The following IGF2BP2 variants were observed in gnomAD, a reference collection of about 807,000 sequenced individuals.
The protein encoded by IGF2BP2 is insulin like growth factor 2 mRNA binding protein 2.
A neutral mutation model predicts 75.8 loss-of-function variants in IGF2BP2; 17 were observed. That is an observed-to-expected ratio of 0.22 (90% CI 0.15 to 0.34). The LOEUF is 0.34. Among genes scored for constraint, IGF2BP2 ranks in the 10% least tolerant of loss-of-function variants. IGF2BP2 has a pLI of 1.00. For missense variants in IGF2BP2, 516 were observed against 772.4 expected (o/e 0.67, Z 3.93); for synonymous variants, 288 against 295.6 (o/e 0.97, Z 0.26).
chr3:185,657,562 G>A (rs953163510), intron 11 of IGF2BP2, among the ~76,000 whole-genome samples, 160 bp from the exon 12 acceptor site: 7 of 152,214 alleles, frequency 4.6e-5, no homozygotes, highest in South Asian at 2.1e-4. Context: ...TGCGGCCTGC[G>A]GCTCTGCAGG....
chr3:185,722,054 C>T (rs1726637467), intron 2 of IGF2BP2: 1 of 282,912 alleles, frequency 3.5e-6, no homozygotes, highest in African/African-American at 2.3e-5. Context: ...GATCTTCCTG[C>T]CTTAGTCGCC....
intron 2 of IGF2BP2, among the ~76,000 whole-genome samples, chr3:185,754,790 T>G (rs1288042173): frequency 2.0e-5 from 3 of 152,120 alleles, no homozygotes; most frequent in African/African-American, 4.8e-5. Flanking sequence ...ACGTGGAAGT[T>G]TGAATTTAAG....
At chr3:185,792,487 C>T (rs948586057) in intron 2 of IGF2BP2, among the ~76,000 whole-genome samples, 3 of 150,790 alleles carry the variant, frequency 2.0e-5, no homozygotes, top group Non-Finnish European at 4.4e-5. Context: ...ATAATTTTTA[C>T]AGGCGCAGTG....
chr3:185,675,424 C>T lies in IGF2BP2; in HGVS notation c.943G>A (p.Asp315Asn), dbSNP rs1386373142. The T allele has an allele frequency of 6.2e-7, 1 of 1,609,052 alleles. No homozygotes were observed. The highest frequency in any genetic ancestry group is 1.3e-5 in the African/African-American group (1 of 74,598). The change falls in exon 9 of 16, where the codon GAT (aspartate) becomes AAT (asparagine). Residue 315 changes from aspartate to asparagine, a missense_variant. By Grantham distance (23) the Asp-to-Asn change is conservative. Coordinates refer to ENST00000382199, the MANE Select transcript of IGF2BP2 (RefSeq NM_006548.6). ...GTKITISSLQ[D>N]LSIYNPERTI... ...CTTTCCGGGTTGTATATGCTCAAAT[C>T]CTGCAAACTGACCCATGAGAAGAAA...
chr3:185,665,030 T>C (rs1225303887), intron 10 of IGF2BP2, among the ~76,000 whole-genome samples: 1 of 151,532 alleles, frequency 6.6e-6, no homozygotes, highest in South Asian at 2.1e-4. Flanking sequence ...ACAGGCGTGT[T>C]GGTGTGCACC....
intron 2 of IGF2BP2, among the ~76,000 whole-genome samples, chr3:185,784,813 C>G (rs1014377941): frequency 2.2e-4 from 34 of 152,180 alleles, no homozygotes; most frequent in Non-Finnish European, 5.9e-5. Flanking sequence ...CCCAGAAGCT[C>G]ATTCACTAAC....
intron 2 of IGF2BP2, among the ~76,000 whole-genome samples, chr3:185,731,590 A>G (rs1004210133): frequency 2.0e-5 from 3 of 152,160 alleles, no homozygotes; most frequent in African/African-American, 7.2e-5. Flanking sequence ...AGCCATGCCT[A>G]GTCACTATGA....
At chr3:185,700,240 C>T (rs776079656) in intron 2 of IGF2BP2, among the ~76,000 whole-genome samples, 1 of 152,044 alleles carries the variant, frequency 6.6e-6, no homozygotes, top group Non-Finnish European at 1.5e-5. Context: ...GAGATGGAAA[C>T]AAATGGGGAA....
intron 2 of IGF2BP2, among the ~76,000 whole-genome samples, chr3:185,749,150 C>T (rs898282915): frequency 5.3e-5 from 8 of 151,744 alleles, no homozygotes; most frequent in Admixed American, 4.6e-4. Context: ...GGTGAAAAAG[C>T]GAGACTCCGT....
intron 1 of IGF2BP2, among the ~76,000 whole-genome samples, chr3:185,824,405 C>A (rs1354447748): frequency 7.6e-6 from 1 of 132,134 alleles, no homozygotes; most frequent in Non-Finnish European, 1.5e-5. Context: ...AAGGGGGTGA[C>A]AGGAAGGTCA....
At chr3:185,763,235 A>G (rs943964585) in intron 2 of IGF2BP2, among the ~76,000 whole-genome samples, 1 of 152,152 alleles carries the variant, frequency 6.6e-6, no homozygotes, top group Non-Finnish European at 1.5e-5. Context: ...TTCTACACCA[A>G]GTCCTATCTG....
chr3:185,668,494 G>GATATATATAT (rs1560258280), intron 10 of IGF2BP2, among the ~76,000 whole-genome samples: 6 of 121,582 alleles, frequency 4.9e-5, no homozygotes, highest in African/African-American at 2.0e-4. Context: ...GTTCGAGAGA[G>GATATATATAT]AGAGAGAGAG....
chr3:185,823,863 G>T (rs905282780), intron 1 of IGF2BP2, among the ~76,000 whole-genome samples: 2 of 151,684 alleles, frequency 1.3e-5, no homozygotes, highest in African/African-American at 4.8e-5. Context: ...GTGCGCGCGC[G>T]CGAGTGTGTG....
intron 2 of IGF2BP2, among the ~76,000 whole-genome samples, chr3:185,756,114 T>C (rs1731582804): frequency 6.6e-6 from 1 of 152,184 alleles, no homozygotes. Context: ...AATGGCTTAG[T>C]GCCATACCCT....
intron 13 of IGF2BP2, among the ~76,000 whole-genome samples, chr3:185,649,967 T>C (rs1383802824): frequency 3.9e-5 from 6 of 152,164 alleles, no homozygotes; most frequent in Admixed American, 6.5e-5. Context: ...GTGATGGTGG[T>C]GGTAATGGGA....
At chr3:185,805,066 T>C (rs1738831191) in intron 2 of IGF2BP2, among the ~76,000 whole-genome samples, 1 of 151,692 alleles carries the variant, frequency 6.6e-6, no homozygotes, top group Admixed American at 6.6e-5. Context: ...TGATGGAAAA[T>C]GCTCAACCAT....
intron 2 of IGF2BP2, among the ~76,000 whole-genome samples, chr3:185,751,450 C>A (rs143487724): frequency 6.6e-6 from 1 of 151,194 alleles, no homozygotes; most frequent in African/African-American, 2.5e-5. Context: ...TGGTGGCGCA[C>A]GCCTGTAATT....
intron 15 of IGF2BP2, among the ~76,000 whole-genome samples, chr3:185,646,275 C>G (rs924990900): frequency 6.6e-6 from 1 of 151,936 alleles, no homozygotes; most frequent in Non-Finnish European, 1.5e-5. Context: ...GCGGGGGGTG[C>G]GTGTGTGGGT....
At chr3:185,758,078 A>T (rs1228872769) in intron 2 of IGF2BP2, among the ~76,000 whole-genome samples, 2 of 152,240 alleles carry the variant, frequency 1.3e-5, no homozygotes, top group African/African-American at 2.4e-5. Flanking sequence ...CACTGAGAGC[A>T]CTTTGTGAAA....
Sources: allele counts gnomAD v4.1 joint callset (sites outside exome capture counted in the v4.1 genomes callset), GRCh38; gene constraint gnomAD v4.1.1; transcripts MANE v1.5; gene names NCBI Gene and HGNC (gene_info 2026-07-23, HGNC 2026-07-21).